The following ARHGAP10 variants were observed in gnomAD, a reference collection of about 807,000 sequenced individuals.
The protein encoded by ARHGAP10 is rho GTPase-activating protein 10.
ARHGAP10 carries 87 observed loss-of-function variants against 108.6 expected under a neutral mutation model. The observed-to-expected ratio is 0.80, with a 90% CI of 0.67 to 0.96. The LOEUF (loss-of-function observed/expected upper bound fraction) is 0.96. Ranked by LOEUF, ARHGAP10 falls within the 40% of genes least tolerant of loss-of-function variation. The pLI is 0.00. For synonymous variants in ARHGAP10, 347 were observed against 341.1 expected (o/e 1.02, Z -0.19); for missense variants, 939 against 954.5 (o/e 0.98, Z 0.21).
intron 13 of ARHGAP10, among the ~76,000 whole-genome samples, chr4:147,933,960 G>A (rs756258579): frequency 6.6e-6 from 1 of 152,134 alleles, no homozygotes; most frequent in Non-Finnish European, 1.5e-5. Context: ...TGGGGCAGAG[G>A]TTGGCAAGCC....
intron 15 of ARHGAP10, among the ~76,000 whole-genome samples, chr4:147,948,955 G>A (rs1738490777): frequency 6.8e-6 from 1 of 147,672 alleles, no homozygotes; most frequent in Non-Finnish European, 1.5e-5. Context: ...GACAGAGCGA[G>A]ACTCTGTCTC....
At chr4:147,885,870 G>T (rs1227803524) in intron 10 of ARHGAP10, among the ~76,000 whole-genome samples, 1 of 151,960 alleles carries the variant, frequency 6.6e-6, no homozygotes, top group Non-Finnish European at 1.5e-5. Flanking sequence ...TCTGTGTTTT[G>T]AACTGCTTCT....
rs748951462 is a variant in ARHGAP10, at chr4:147,822,769, A to G, written c.197A>G (p.Asp66Gly). The G allele has an allele frequency of 2.5e-6, 4 of 1,614,056 alleles. No individual in the cohort carries two copies. Among genetic ancestry groups the G allele is most frequent in the Non-Finnish European group, 3.4e-6 (4 of 1,180,052 alleles). The change falls in exon 2 of 23, where the codon GAC (aspartate) becomes GGC (glycine). Residue 66 changes from aspartate to glycine, a missense_variant. Physicochemically the swap from Asp to Gly is moderately conservative, Grantham distance 94. Transcript: ENST00000336498. Reference protein sequence around the residue: ...AQRKFAHSLRDFKFEFIGDAV... With the variant: ...AQRKFAHSLRGFKFEFIGDAV... ...CGGAAGTTTGCTCATTCACTCAGAG[A>G]CTTTAAGTTTGAGTTTATCGGTGAT...
intron 10 of ARHGAP10, among the ~76,000 whole-genome samples, chr4:147,885,869 T>C (rs1267346218): frequency 6.6e-6 from 1 of 152,240 alleles, no homozygotes; most frequent in East Asian, 1.9e-4. Context: ...TTCTGTGTTT[T>C]GAACTGCTTC....
At chr4:147,853,953 G>A (rs544535683) in intron 4 of ARHGAP10, among the ~76,000 whole-genome samples, 116 of 152,068 alleles carry the variant, frequency 7.6e-4, no homozygotes, top group African/African-American at 2.5e-3. Context: ...TGGTTGAATC[G>A]TCTCTTCCTT....
chr4:147,746,864 G>A (rs1487615386), intron 1 of ARHGAP10, among the ~76,000 whole-genome samples: 1 of 152,142 alleles, frequency 6.6e-6, no homozygotes, highest in Non-Finnish European at 1.5e-5. Context: ...TATTTTCCCT[G>A]AGGTAGATGA....
chr4:147,758,940 C>T (rs1389443122), intron 1 of ARHGAP10, among the ~76,000 whole-genome samples: 3 of 145,830 alleles, frequency 2.1e-5, no homozygotes, highest in African/African-American at 7.7e-5. Flanking sequence ...GATCGTGCCA[C>T]TGCACTCCGG....
At chr4:148,058,329 G>A (rs1262649345) in intron 20 of ARHGAP10, among the ~76,000 whole-genome samples, 8 of 152,232 alleles carry the variant, frequency 5.3e-5, no homozygotes, top group Admixed American at 2.6e-4. Context: ...TTGTATAACC[G>A]TAGTGAAATA....
At chr4:147,863,622 TGTG>T (rs1266947342) in intron 5 of ARHGAP10, 2 of 152,228 alleles carry the variant, frequency 1.3e-5, no homozygotes, top group African/African-American at 4.8e-5. Flanking sequence ...TGCTGGGTCA[TGTG>T]GTAATACTAT....
In ARHGAP10 at chr4:147,751,888, T is replaced by TG. The variant is rs199759286; in HGVS notation, c.154+19433_154+19434insG. Among the ~76,000 whole-genome samples the TG allele has an allele frequency of 9.5e-3, 1,415 of 149,676 alleles. 32 individuals are homozygous for TG. Among genetic ancestry groups the TG allele is most frequent in the African/African-American group, 0.033 (1,331 of 40,042 alleles). On this transcript the variant is annotated intron_variant, in intron 1 of 22. Coordinates refer to ENST00000336498, the MANE Select transcript of ARHGAP10 (RefSeq NM_024605.4). ...TACACTTTCTGAAGCCTTTAGTTTTTTTTTTTTTTTTTTTTTAAGATGGAG... is the reference window on the plus strand; with the variant it reads ...TACACTTTCTGAAGCCTTTAGTTTTTGTTTTTTTTTTTTTTTTAAGATGGAG...
chr4:148,051,724 T>C (rs562793075), intron 20 of ARHGAP10, among the ~76,000 whole-genome samples: 59 of 152,358 alleles, frequency 3.9e-4, no homozygotes, highest in African/African-American at 1.4e-3. Flanking sequence ...CTATCCCAGC[T>C]AGTGCCTCAA....
intron 1 of ARHGAP10, among the ~76,000 whole-genome samples, chr4:147,811,590 T>A (rs4596224): frequency 0.066 from 6,231 of 94,960 alleles, 300 homozygotes; most frequent in African/African-American, 0.13. Context: ...TGGCTTTTTT[T>A]AAAAAAAAAA....
chr4:147,822,833 A>G lies in ARHGAP10; in HGVS notation c.250+11A>G, dbSNP rs369996846. 1.1e-5 allele frequency: 17 copies of G among 1,613,946 alleles called. No individual in the cohort carries two copies. The highest frequency in any genetic ancestry group is 1.6e-4 in the Middle Eastern group (1 of 6,084). On this transcript the variant is annotated intron_variant, in intron 2 of 22. Coordinates refer to ENST00000336498, the MANE Select transcript of ARHGAP10 (RefSeq NM_024605.4). ...ATGAACGATGCATAGGTAATTAAACATGATATTTTGGTTTGTTTTCCTTTG... is the reference window on the plus strand; with the variant it reads ...ATGAACGATGCATAGGTAATTAAACGTGATATTTTGGTTTGTTTTCCTTTG...
At position 147,847,149 on chromosome 4, in the gene ARHGAP10, A is replaced by T. The variant is rs976244902; in HGVS notation, c.313-2A>T. On this transcript the variant is annotated splice_acceptor_variant, in intron 3 of 22. Transcript: ENST00000336498. LOFTEE classifies it high-confidence loss of function. ...TCTTTTGTTATCACTCTTGTTCTCT[A>T]GGCATTAAGTGTAACTGAAACCCTG... The T allele has an allele frequency of 5.6e-6, 9 of 1,610,898 alleles. No individual in the cohort carries two copies. The highest frequency in any genetic ancestry group is 7.6e-6 in the Non-Finnish European group (9 of 1,177,372).
chr4:147,964,758 T>A (rs1424022007), intron 16 of ARHGAP10, among the ~76,000 whole-genome samples: 5 of 152,198 alleles, frequency 3.3e-5, no homozygotes, highest in Admixed American at 1.3e-4. Context: ...CTGTCCGTTC[T>A]GTAATATAAA....
chr4:148,072,252 C>T lies in ARHGAP10; in HGVS notation c.*171C>T, dbSNP rs183954044. ...TGGGGGGTGGTGGGCAGGGATGGGA[C>T]GCACCACACAGAACTGTGATTGTGG... On this transcript the variant is annotated 3_prime_UTR_variant, in exon 23 of 23. Coordinates refer to ENST00000336498, the MANE Select transcript of ARHGAP10 (RefSeq NM_024605.4). 9.8e-5 allele frequency: 56 copies of T among 571,772 alleles called. No individual in the cohort carries two copies. The highest frequency in any genetic ancestry group is 6.6e-4 in the East Asian group (22 of 33,252). 35.4% of individuals were successfully genotyped at this position (571,772 alleles called of 1,614,324 possible).
chr4:147,866,713 T>C lies in ARHGAP10; in HGVS notation c.599T>C (p.Met200Thr). ...ERKKFEFVEP[M>T]LSFFQGMFTF... ...ATCTCTTTTCTTCCTGTGTCTTAGA[T>C]GCTGTCATTTTTTCAGGGGATGTTT... Residue 200 changes from methionine to threonine, a missense_variant and splice_region_variant, in exon 7 of 23, where the codon ATG becomes ACG. Coordinates refer to ENST00000336498, the MANE Select transcript of ARHGAP10 (RefSeq NM_024605.4). The C allele has an allele frequency of 1.9e-6, 3 of 1,612,104 alleles. No individual in the cohort carries two copies. Among genetic ancestry groups the C allele is most frequent in the Non-Finnish European group, 2.5e-6 (3 of 1,178,650 alleles).
intron 4 of ARHGAP10, among the ~76,000 whole-genome samples, chr4:147,850,869 A>C (rs1309508989): frequency 6.6e-6 from 1 of 152,198 alleles, no homozygotes; most frequent in African/African-American, 2.4e-5. Flanking sequence ...CAAATGTCCC[A>C]CAGGACTTTG....
intron 18 of ARHGAP10, among the ~76,000 whole-genome samples, chr4:147,972,554 G>A (rs778375722): frequency 6.6e-5 from 10 of 152,052 alleles, no homozygotes; most frequent in Non-Finnish European, 1.2e-4. Flanking sequence ...TAATATCCTT[G>A]AGAAACACCA....
Sources: gnomAD v4.1 joint callset for allele counts (sites outside exome capture counted in the v4.1 genomes callset) on GRCh38, gnomAD v4.1.1 for gene constraint, MANE v1.5 for transcripts, NCBI Gene and HGNC (gene_info 2026-07-23, HGNC 2026-07-21) for gene names.